The following SLC8A3 variants were observed in gnomAD, a reference collection of about 807,000 sequenced individuals.
The protein encoded by SLC8A3 is sodium/calcium exchanger 3.
Under a neutral mutation model 65.4 loss-of-function variants are expected in SLC8A3, and 37 were observed. The ratio of observed to expected loss-of-function variants is 0.57; its 90% confidence interval spans 0.44 to 0.74. The LOEUF is 0.74. Ranked by LOEUF, SLC8A3 falls within the 30% of genes least tolerant of loss-of-function variation. The pLI, the probability that SLC8A3 is intolerant of heterozygous loss-of-function variation, is 0.00. For missense variants in SLC8A3, 1,112 were observed against 1,172.1 expected, an observed-to-expected ratio of 0.95 and a Z score of 0.75; for synonymous variants, 461 against 444.5, an observed-to-expected ratio of 1.04 and a Z score of -0.47.
Position 70,167,454 on chromosome 14 carries a change from C to G in SLC8A3, c.969G>C (p.Leu323=), listed in dbSNP as rs763755618. The G allele has an allele frequency of 6.2e-7, 1 of 1,614,176 alleles. No individual in the cohort carries two copies. Among genetic ancestry groups the G allele is most frequent in the Non-Finnish European group, 8.5e-7 (1 of 1,180,036 alleles). Residue 323 remains leucine (L), a synonymous_variant, in exon 2 of 7, where the codon CTG becomes CTC. Coordinates refer to ENST00000356921, the MANE Select transcript of SLC8A3 (RefSeq NM_182932.3). ...AGTCCTTCTCTGGGTGTTTTTGCTT[C>G]AGATCCTTGAGAATCCGGATCATCT... ...RREMIRILKD[L]KQKHPEKDLD...
At chr14:70,055,876 C>T (rs1228248697) in intron 3 of SLC8A3, 1 of 1,470,576 alleles carries the variant, frequency 6.8e-7, no homozygotes, top group East Asian at 2.3e-5. Flanking sequence ...AATGTCCCAT[C>T]TTGAAAGTAT....
chr14:70,061,546 G>A (rs950565204), intron 2 of SLC8A3, among the ~76,000 whole-genome samples: 2 of 147,714 alleles, frequency 1.4e-5, no homozygotes, highest in African/African-American at 2.5e-5. Context: ...GAGAGAGAGA[G>A]AGAGAGTGAG....
chr14:70,045,885 G>T lies in SLC8A3; in HGVS notation c.*62C>A. ...TGCAGTCGGGAGAGATCACTGGTGG[G>T]GAAGTGCCCTTCTCTTAGGAGAAGT... is the stretch of plus-strand genomic sequence containing the variant. On this transcript the variant is annotated 3_prime_UTR_variant, in exon 7 of 7. Transcript: ENST00000356921. The T allele has an allele frequency of 6.9e-7, 1 of 1,449,254 alleles. No homozygotes were observed. Among genetic ancestry groups the T allele is most frequent in the African/African-American group, 1.4e-5 (1 of 70,782 alleles). The allele number at this position is 1,449,254 out of a possible 1,614,324, so 89.8% of individuals were successfully genotyped here.
At chr14:70,128,026 C>G (rs573197752) in intron 2 of SLC8A3, among the ~76,000 whole-genome samples, 5 of 152,222 alleles carry the variant, frequency 3.3e-5, no homozygotes, top group Non-Finnish European at 7.4e-5. Flanking sequence ...GCAACATGTC[C>G]CAAATGGAAT....
At chr14:70,164,689 T>C (rs1897070746) in intron 2 of SLC8A3, among the ~76,000 whole-genome samples, 1 of 152,208 alleles carries the variant, frequency 6.6e-6, no homozygotes, top group South Asian at 2.1e-4. Flanking sequence ...TACCTATCCG[T>C]GACATGGGTA....
intron 2 of SLC8A3, among the ~76,000 whole-genome samples, chr14:70,063,119 A>G (rs537269786): frequency 3.3e-5 from 5 of 152,290 alleles, no homozygotes; most frequent in African/African-American, 7.2e-5. Context: ...GATGATCTCC[A>G]CCACTATTCT....
In SLC8A3 at chr14:70,054,807, G is replaced by A. The variant is rs527965268; in HGVS notation, c.1889-2693C>T. Among the ~76,000 whole-genome samples the A allele has an allele frequency of 6.6e-5, 10 of 152,128 alleles. No homozygotes were observed. The South Asian group carries it at 8.3e-4, about 13-fold the overall frequency. ...GGCTTATGTCCTTACTATGTACACCGCCCCTTCCTGAACCCAAGATGTAGC... is the reference window on the plus strand; with the variant it reads ...GGCTTATGTCCTTACTATGTACACCACCCCTTCCTGAACCCAAGATGTAGC... On this transcript the variant is annotated intron_variant, in intron 3 of 6. Coordinates refer to ENST00000356921, the MANE Select transcript of SLC8A3 (RefSeq NM_182932.3).
chr14:70,113,983 C>G (rs1195365212), intron 2 of SLC8A3, among the ~76,000 whole-genome samples: 1 of 152,048 alleles, frequency 6.6e-6, no homozygotes, highest in Non-Finnish European at 1.5e-5. Flanking sequence ...TCATGAACTC[C>G]CAGCACCAGG....
Position 70,046,352 on chromosome 14 carries a change from T to C in SLC8A3, c.2390-29A>G, listed in dbSNP as rs141962927. 76 of 1,575,328 alleles carry C rather than the reference T, an allele frequency of 4.8e-5. No homozygotes were observed. The East Asian group carries it at 1.3e-3, about 28-fold the overall frequency. On this transcript the variant is annotated intron_variant, in intron 6 of 6. Coordinates refer to ENST00000356921, the MANE Select transcript of SLC8A3 (RefSeq NM_182932.3). The surrounding 1 kb of genome is among the most constrained non-coding windows in gnomAD (Gnocchi z 4.2). ...GAAAAGGACAAAGACACATGGGAAC[T>C]GGTAGGAGGCTAAGGTGTGCAGGGC...
chr14:70,137,494 T>A (rs2140254740), intron 2 of SLC8A3, among the ~76,000 whole-genome samples: 1 of 152,290 alleles, frequency 6.6e-6, no homozygotes, highest in Admixed American at 6.5e-5. Flanking sequence ...GGTAGCTGGC[T>A]ACTTAAAAGG....
At chr14:70,168,513 G>A in intron 1 of SLC8A3, 29 bp from the exon 2 acceptor site, 2 of 1,064,614 alleles carry the variant, frequency 1.9e-6, no homozygotes, top group Admixed American at 5.1e-5. Context: ...GCAGGAAAAG[G>A]CATGAGGAAA....
At chr14:70,092,705 G>A (rs1026690535) in intron 2 of SLC8A3, among the ~76,000 whole-genome samples, 1 of 152,050 alleles carries the variant, frequency 6.6e-6, no homozygotes, top group African/African-American at 2.4e-5. Context: ...TGGTAGTAAT[G>A]TCTCCAGCCC....
intron 1 of SLC8A3, among the ~76,000 whole-genome samples, chr14:70,174,435 A>G (rs547405243): frequency 3.3e-5 from 5 of 152,168 alleles, no homozygotes; most frequent in Non-Finnish European, 7.4e-5. Flanking sequence ...CCAGTCAAAC[A>G]TGCTTTGATG....
chr14:70,081,233 C>T (rs12883784), intron 2 of SLC8A3, among the ~76,000 whole-genome samples: 66,224 of 151,972 alleles, frequency 0.44, 15,309 homozygotes, highest in South Asian at 0.66. Context: ...GTTGAAGTAC[C>T]CATATTAGAA....
At chr14:70,057,375 C>T (rs924521274) in intron 3 of SLC8A3, among the ~76,000 whole-genome samples, 2 of 152,114 alleles carry the variant, frequency 1.3e-5, no homozygotes, top group South Asian at 2.1e-4. Context: ...CGGGAGTTTG[C>T]GTGGAAGAGC....
chr14:70,067,149 A>C (rs1032462644), intron 2 of SLC8A3, among the ~76,000 whole-genome samples: 2 of 151,906 alleles, frequency 1.3e-5, no homozygotes, highest in African/African-American at 4.8e-5. Flanking sequence ...TTTCCCACCT[A>C]AGGGCAATCC....
At chr14:70,179,860 T>C (rs1882581085) in intron 1 of SLC8A3, among the ~76,000 whole-genome samples, 1 of 152,200 alleles carries the variant, frequency 6.6e-6, no homozygotes, top group African/African-American at 2.4e-5. Flanking sequence ...GAAGAAGAAA[T>C]TGGGGCTCAT....
At chr14:70,133,886 A>G (rs556294764) in intron 2 of SLC8A3, among the ~76,000 whole-genome samples, 3 of 152,224 alleles carry the variant, frequency 2.0e-5, no homozygotes, top group Admixed American at 6.5e-5. Context: ...TTTAGCCTAG[A>G]TTTCACTCAA....
At chr14:70,141,764 T>C (rs1895592469) in intron 2 of SLC8A3, among the ~76,000 whole-genome samples, 1 of 152,236 alleles carries the variant, frequency 6.6e-6, no homozygotes. Flanking sequence ...TCAATTAATG[T>C]ATACTGGAAG....
Sources: allele counts gnomAD v4.1 joint callset (sites outside exome capture counted in the v4.1 genomes callset), GRCh38; gene constraint gnomAD v4.1.1; non-coding constraint Gnocchi (gnomAD v3.1); transcripts MANE v1.5; gene names NCBI Gene and HGNC (gene_info 2026-07-23, HGNC 2026-07-21).